Variants in SYT1 observed in about 807,000 individuals in gnomAD.
The protein encoded by SYT1 is synaptotagmin 1.
SYT1 carries 8 observed loss-of-function variants against 44.8 expected under a neutral mutation model. The observed-to-expected ratio is 0.18, with a 90% CI of 0.10 to 0.32. The LOEUF is 0.32. Among genes scored for constraint, SYT1 ranks in the 10% least tolerant of loss-of-function variants. The pLI, the probability that SYT1 is intolerant of heterozygous loss-of-function variation, is 1.00. For synonymous variants in SYT1, 154 were observed against 188.8 expected, an observed-to-expected ratio of 0.82 and a Z score of 1.51; for missense variants, 286 against 509.3, an observed-to-expected ratio of 0.56 and a Z score of 4.22.
chr12:79,079,107 A>G (rs1876857704), intron 3 of SYT1, among the ~76,000 whole-genome samples: 2 of 152,204 alleles, frequency 1.3e-5, no homozygotes, highest in Non-Finnish European at 2.9e-5. Flanking sequence ...CCCTATAACT[A>G]AAGAATGAAT....
chr12:79,271,165 G>C (rs1224032031), intron 4 of SYT1, among the ~76,000 whole-genome samples: 1 of 152,092 alleles, frequency 6.6e-6, no homozygotes, highest in African/African-American at 2.4e-5. Context: ...TCTTGGTGAA[G>C]ATTTCATCTT....
intron 8 of SYT1, among the ~76,000 whole-genome samples, chr12:79,331,457 A>G (rs547884404): frequency 2.3e-4 from 35 of 152,272 alleles, no homozygotes; most frequent in African/African-American, 8.2e-4. Context: ...AATACTGTCC[A>G]TTAGATTTTT....
chr12:78,975,410 C>G (rs1868751905), intron 1 of SYT1, among the ~76,000 whole-genome samples: 2 of 152,066 alleles, frequency 1.3e-5, no homozygotes, highest in Non-Finnish European at 2.9e-5. Context: ...CTGGCATAGA[C>G]TAGGCATTTA....
At chr12:79,095,512 T>A in intron 3 of SYT1, among the ~76,000 whole-genome samples, 1 of 152,006 alleles carries the variant, frequency 6.6e-6, no homozygotes, top group Admixed American at 6.6e-5. Flanking sequence ...ATATAACCAA[T>A]TTATTTATTA....
At chr12:79,403,404 C>A (rs1240324007) in intron 9 of SYT1, among the ~76,000 whole-genome samples, 1 of 152,136 alleles carries the variant, frequency 6.6e-6, no homozygotes, top group South Asian at 2.1e-4. Context: ...GATGTTCAGT[C>A]CAAAGGCACT....
chr12:79,371,624 T>C (rs1170766875), intron 9 of SYT1, among the ~76,000 whole-genome samples: 1 of 152,206 alleles, frequency 6.6e-6, no homozygotes, highest in Non-Finnish European at 1.5e-5. Context: ...GGAAGGTTAG[T>C]GTTTACAAGT....
intron 2 of SYT1, among the ~76,000 whole-genome samples, chr12:78,978,180 C>G (rs761853002): frequency 1.3e-5 from 2 of 152,122 alleles, no homozygotes; most frequent in Non-Finnish European, 2.9e-5. Flanking sequence ...GGCACTGGCT[C>G]CTTGTATAAC....
At chr12:78,946,332 T>A (rs1016009169) in intron 1 of SYT1, among the ~76,000 whole-genome samples, 3 of 152,046 alleles carry the variant, frequency 2.0e-5, no homozygotes, top group African/African-American at 7.2e-5. Context: ...TTGAGAAGCT[T>A]ATGTTCTAGT....
At chr12:79,347,368 G>A (rs888876883) in intron 8 of SYT1, among the ~76,000 whole-genome samples, 12 of 152,034 alleles carry the variant, frequency 7.9e-5, no homozygotes, top group Admixed American at 7.9e-4. Flanking sequence ...AATGTTTGGG[G>A]GATTCAGGAT....
chr12:79,362,526 C>A (rs765346349), intron 9 of SYT1, among the ~76,000 whole-genome samples: 6 of 152,042 alleles, frequency 3.9e-5, no homozygotes, highest in Non-Finnish European at 5.9e-5. Context: ...TTCATGTGTA[C>A]AACACACAGA....
chr12:79,232,846 G>A (rs1031170349), intron 4 of SYT1, among the ~76,000 whole-genome samples: 5 of 152,030 alleles, frequency 3.3e-5, no homozygotes, highest in African/African-American at 4.8e-5. Context: ...GAGCTCTTAC[G>A]GGAAAAGGGT....
intron 1 of SYT1, among the ~76,000 whole-genome samples, chr12:78,909,870 A>G (rs1471242295): frequency 6.6e-6 from 1 of 152,066 alleles, no homozygotes; most frequent in African/African-American, 2.4e-5. Flanking sequence ...ACCACCCACA[A>G]CAGGTTGTTC....
intron 5 of SYT1, among the ~76,000 whole-genome samples, chr12:79,286,352 C>T (rs914157227): frequency 1.3e-5 from 2 of 152,166 alleles, no homozygotes; most frequent in African/African-American, 4.8e-5. Context: ...TTTCTAATTT[C>T]TACTGTTCAT....
intron 1 of SYT1, among the ~76,000 whole-genome samples, chr12:78,969,004 A>G (rs1592615577): frequency 6.6e-6 from 1 of 152,168 alleles, no homozygotes. Flanking sequence ...ATATGCAGTG[A>G]CCCTTCTGTA....
intron 9 of SYT1, among the ~76,000 whole-genome samples, chr12:79,407,289 C>T (rs1217465260): frequency 2.0e-5 from 3 of 152,022 alleles, no homozygotes; most frequent in Non-Finnish European, 4.4e-5. Context: ...CAGGAACTAC[C>T]TTGAAAGGAA....
chr12:79,232,045 C>G (rs2138620269), intron 4 of SYT1, among the ~76,000 whole-genome samples: 1 of 152,238 alleles, frequency 6.6e-6, no homozygotes, highest in East Asian at 1.9e-4. Context: ...TAGTGTGTGA[C>G]CTTGGGCAAA....
rs186473806 is a variant in SYT1, at chr12:79,376,188, G to A, written c.928+22569G>A. 2.1e-3 allele frequency among the ~76,000 whole-genome samples: 316 copies of A among 152,284 alleles called. 2 individuals are homozygous for A. The South Asian group carries it at 0.027, about 13-fold the overall frequency. On this transcript the variant is annotated intron_variant, in intron 9 of 10. Coordinates refer to ENST00000261205, the MANE Select transcript of SYT1 (RefSeq NM_005639.3). ...CCCCAAGAGAGGGTTCTTGGATCTT[G>A]TGCAAGGAGGAATTCAGGGCGAGTC...
At chr12:79,068,149 C>T (rs1482709059) in intron 3 of SYT1, among the ~76,000 whole-genome samples, 6 of 152,138 alleles carry the variant, frequency 3.9e-5, no homozygotes, top group Non-Finnish European at 7.4e-5. Context: ...CTTGTCAAAC[C>T]TAACCATGCA....
intron 3 of SYT1, among the ~76,000 whole-genome samples, chr12:79,186,362 G>A (rs1289874530): frequency 6.6e-6 from 1 of 151,848 alleles, no homozygotes; most frequent in Non-Finnish European, 1.5e-5. Flanking sequence ...GAAAACCTGG[G>A]TTCTAGTCTT....
Sources: gnomAD v4.1 joint callset for allele counts (sites outside exome capture counted in the v4.1 genomes callset) on GRCh38, gnomAD v4.1.1 for gene constraint, MANE v1.5 for transcripts, NCBI Gene and HGNC (gene_info 2026-07-23, HGNC 2026-07-21) for gene names.